The following ARSG variants were observed in gnomAD, a reference collection of about 807,000 sequenced individuals.
ARSG encodes the protein arylsulfatase G, also known as ASG.
Under a neutral mutation model 50.5 loss-of-function variants are expected in ARSG, and 37 were observed. The ratio of observed to expected loss-of-function variants is 0.73; its 90% CI spans 0.56 to 0.96. The LOEUF is 0.96. Among genes scored for constraint, ARSG ranks in the 50% least tolerant of loss-of-function variants. ARSG has a pLI of 0.00. For synonymous variants in ARSG, 225 were observed against 254.6 expected (o/e 0.88, Z 1.11); for missense variants, 629 against 675.3 (o/e 0.93, Z 0.76).
At chr17:68,419,017 C>CAAAA (rs3072871) in intron 11 of ARSG, among the ~76,000 whole-genome samples, 3 of 112,946 alleles carry the variant, frequency 2.7e-5, no homozygotes, top group Non-Finnish European at 3.9e-5. Flanking sequence ...ATAGCAAAGC[C>CAAAA]AAAAAAAAAA....
chr17:68,393,505 T>C (rs6501422), intron 9 of ARSG, among the ~76,000 whole-genome samples: 20,420 of 152,070 alleles, frequency 0.13, 2,445 homozygotes, highest in East Asian at 0.37. Flanking sequence ...GTGATGTGGG[T>C]AATTCGAATA....
intron 9 of ARSG, among the ~76,000 whole-genome samples, chr17:68,389,763 C>T (rs767429277): frequency 6.6e-6 from 1 of 152,026 alleles, no homozygotes; most frequent in Non-Finnish European, 1.5e-5. Context: ...TCAGATCCAC[C>T]TTTTTTCCAG....
the ARSG span, chr17:68,428,824 T>C: frequency 1.2e-6 from 2 of 1,610,300 alleles, no homozygotes; most frequent in African/African-American, 2.7e-5. Flanking sequence ...AAGCAGTCTC[T>C]TCACCTGTGG....
intron 8 of ARSG, 61 bp from the exon 9 acceptor site, chr17:68,385,003 G>A (rs1157326008): frequency 2.9e-6 from 4 of 1,396,378 alleles, no homozygotes; most frequent in Non-Finnish European, 4.1e-6. Context: ...CTAGCTCTTA[G>A]CTGAAAAGAA....
rs577287066 is a variant in ARSG, at chr17:68,299,250, G to A, written c.-552+7682G>A. Among the ~76,000 whole-genome samples, 502 of 149,052 alleles carry A rather than the reference G, an allele frequency of 3.4e-3. 3 individuals are homozygous for A. The highest frequency in any genetic ancestry group is 0.012 in the African/African-American group (474 of 40,392). On this transcript the variant is annotated intron_variant, in intron 1 of 11. Transcript: ENST00000621439. ...CTCCTGAGTAGCCAGGATTACAGGC[G>A]CCCACCACCACGCCCGGCTAATTTT...
intron 1 of ARSG, chr17:68,274,166 G>T: frequency 7.4e-7 from 1 of 1,347,064 alleles, no homozygotes; most frequent in Non-Finnish European, 1.0e-6. Context: ...ATGGAGAGAT[G>T]ATGTCGAATA....
chr17:68,281,349 A>G (rs1446611189), intron 1 of ARSG, among the ~76,000 whole-genome samples: 1 of 152,106 alleles, frequency 6.6e-6, no homozygotes, highest in South Asian at 2.1e-4. Flanking sequence ...CAGGTGGATC[A>G]TGAGGTCAAG....
rs112872270 is a variant in ARSG at position 68,273,969 on chromosome 17, G to T, written c.-552+14543G>T. On this transcript the variant is annotated intron_variant, in intron 1 of 11. Coordinates refer to the ARSG transcript ENST00000448504. ...GCGACGTACATATGAGAAACCTCTT[G>T]TGAGAAGGAGGCGGCCACCATCCCG... The T allele has an allele frequency of 1.1e-4, 182 of 1,614,206 alleles. No homozygotes were observed. The African/African-American group carries it at 1.9e-3, about 17-fold the overall frequency.
chr17:68,418,857 A>G (rs1249977821), intron 11 of ARSG, among the ~76,000 whole-genome samples: 1 of 152,178 alleles, frequency 6.6e-6, no homozygotes, highest in East Asian at 1.9e-4. Context: ...ATAAGTTTCT[A>G]TCTCATTAAT....
At chr17:68,385,695 C>T (rs1187569082) in intron 9 of ARSG, among the ~76,000 whole-genome samples, 1 of 152,092 alleles carries the variant, frequency 6.6e-6, no homozygotes, top group African/African-American at 2.4e-5. Flanking sequence ...CTGGCTGTGT[C>T]TGCTGGAGAG....
At chr17:68,446,693 A>G in the ARSG span, among the ~76,000 whole-genome samples, 1 of 152,192 alleles carries the variant, frequency 6.6e-6, no homozygotes, top group Non-Finnish European at 1.5e-5. Context: ...GGTTTCTGAT[A>G]TCCTCTTGTG....
In ARSG at chr17:68,302,876, G is replaced by A. The variant is rs77946770; in HGVS notation, c.-551-4067G>A. Among the ~76,000 whole-genome samples the A allele has an allele frequency of 6.6e-3, 1,004 of 152,272 alleles. 4 individuals are homozygous for A. Among genetic ancestry groups the A allele is most frequent in the Non-Finnish European group, 0.01 (704 of 68,010 alleles). ...TTCGTTGTGGGATTTGTTGACTGAC[G>A]TGGCCGAGTACCTTCTGCCCCAGTG... On this transcript the variant is annotated intron_variant, in intron 1 of 11. Transcript: ENST00000621439.
chr17:68,401,298 C>T (rs141077819), intron 10 of ARSG, 62 bp from the exon 11 acceptor site: 2 of 1,437,764 alleles, frequency 1.4e-6, no homozygotes, highest in Non-Finnish European at 2.0e-6. Context: ...ATTGGGATTA[C>T]AGGCATGAGT....
At chr17:68,432,051 G>T in the ARSG span, among the ~76,000 whole-genome samples, 1 of 152,196 alleles carries the variant, frequency 6.6e-6, no homozygotes, top group South Asian at 2.1e-4. Flanking sequence ...AAAAGTGAAA[G>T]AAAATCCTAA....
intron 4 of ARSG, among the ~76,000 whole-genome samples, chr17:68,349,412 A>C (rs2078654561): frequency 1.3e-5 from 2 of 152,204 alleles, no homozygotes; most frequent in South Asian, 4.1e-4. Context: ...AGATCATCTG[A>C]CCCACAAAAC....
Position 68,305,572 on chromosome 17 carries a change from T to G in ARSG, c.-551-1371T>G, listed in dbSNP as rs941209747. 2.6e-4 allele frequency among the ~76,000 whole-genome samples: 39 copies of G among 152,224 alleles called. 1 individual carries two copies. The highest frequency in any genetic ancestry group is 9.2e-4 in the African/African-American group (38 of 41,464). ...TGGTTGAACATGTCTTTAGATTTTC[T>G]TATTAAAATTACATGGCTAGGATGC... On this transcript the variant is annotated intron_variant, in intron 1 of 11. Transcript: ENST00000621439.
downstream of ARSG, chr17:68,421,665 CT>C: frequency 6.6e-7 from 1 of 1,509,570 alleles, no homozygotes; most frequent in South Asian, 1.1e-5. Context: ...CCCGGGATTC[CT>C]GCCCCCCTTT....
intron 11 of ARSG, among the ~76,000 whole-genome samples, chr17:68,418,009 C>T (rs565255386): frequency 2.0e-5 from 3 of 152,112 alleles, no homozygotes; most frequent in African/African-American, 4.8e-5. Context: ...GGATTACAGG[C>T]GTGAGCCACC....
At chr17:68,338,794 A>G (rs934329469) in intron 2 of ARSG, among the ~76,000 whole-genome samples, 1 of 152,228 alleles carries the variant, frequency 6.6e-6, no homozygotes, top group African/African-American at 2.4e-5. Context: ...AAAAATGGTT[A>G]TAACTATTCG....
Sources: gnomAD v4.1 joint callset for allele counts (sites outside exome capture counted in the v4.1 genomes callset) on GRCh38, gnomAD v4.1.1 for gene constraint, MANE v1.5 for transcripts, NCBI Gene and HGNC (gene_info 2026-07-23, HGNC 2026-07-21) for gene names.